Variants in SPTLC3 observed in about 807,000 individuals in gnomAD.
The protein encoded by SPTLC3 is serine palmitoyltransferase 3.
In SPTLC3, 36 loss-of-function variants were observed where a neutral mutation model predicts 59.3. The observed-to-expected ratio is 0.61, with a 90% CI of 0.47 to 0.80. SPTLC3 has a LOEUF of 0.80. Ranked by LOEUF, SPTLC3 falls within the 30% of genes least tolerant of loss-of-function variation. The pLI is 0.00. For synonymous variants in SPTLC3, 257 were observed against 240.8 expected, an observed-to-expected ratio of 1.07 and a Z score of -0.62; for missense variants, 625 against 685.1, an observed-to-expected ratio of 0.91 and a Z score of 0.98.
chr20:13,049,007 T>C lies in SPTLC3; in HGVS notation c.180T>C (p.Leu60=). The change falls in exon 2 of 12, where the codon CTT becomes CTC. Residue 60 remains leucine (L), a synonymous_variant. Transcript: ENST00000399002. ...LIVESFEEAP[L]HVMVFTYMGY... is the part of the protein sequence containing the mutation. Reference sequence around the variant, plus strand: ...TTGAATCGTTTGAGGAAGCACCCCTTCATGTTATGGTTTTCACTTACATGG... The same window carrying C: ...TTGAATCGTTTGAGGAAGCACCCCTCCATGTTATGGTTTTCACTTACATGG... The C allele has an allele frequency of 6.2e-7, 1 of 1,608,772 alleles. No homozygotes were observed. The highest frequency in any genetic ancestry group is 1.1e-5 in the South Asian group (1 of 89,786).
chr20:13,043,751 T>C (rs1459409742), intron 1 of SPTLC3, among the ~76,000 whole-genome samples: 1 of 152,202 alleles, frequency 6.6e-6, no homozygotes, highest in East Asian at 1.9e-4. Flanking sequence ...CCCCTCACTA[T>C]TAGTAACCGA....
chr20:13,146,903 C>A (rs567826648), intron 9 of SPTLC3, among the ~76,000 whole-genome samples: 3 of 152,202 alleles, frequency 2.0e-5, no homozygotes, highest in Non-Finnish European at 4.4e-5. Context: ...AGGTCAGCTG[C>A]GTAATGCCTT....
intron 10 of SPTLC3, among the ~76,000 whole-genome samples, chr20:13,158,974 T>A (rs192114584): frequency 6.6e-6 from 1 of 152,328 alleles, no homozygotes; most frequent in Admixed American, 6.5e-5. Flanking sequence ...TAAGAACAGA[T>A]CTGAGGCATT....
chr20:13,038,059 T>TATATATATATATATATATATATATATAA (rs1226858145), intron 1 of SPTLC3, among the ~76,000 whole-genome samples: 2 of 150,426 alleles, frequency 1.3e-5, no homozygotes, highest in African/African-American at 4.9e-5. Flanking sequence ...TATATATATA[T>TATATATATATATATATATATATATATAA]AATATATCTT....
intron 9 of SPTLC3, among the ~76,000 whole-genome samples, chr20:13,133,658 C>T (rs1215744055): frequency 6.6e-6 from 1 of 152,104 alleles, no homozygotes; most frequent in Non-Finnish European, 1.5e-5. Context: ...CGCTTGAGCC[C>T]AGGAGGCGGA....
intron 4 of SPTLC3, chr20:13,079,965 C>A: frequency 3.9e-6 from 1 of 259,508 alleles, no homozygotes; most frequent in Non-Finnish European, 8.1e-6. Flanking sequence ...TGTCCTAATA[C>A]CCCAGGGAAC....
intron 4 of SPTLC3, among the ~76,000 whole-genome samples, chr20:13,085,709 T>C (rs1988982417): frequency 6.6e-6 from 1 of 152,086 alleles, no homozygotes; most frequent in African/African-American, 2.4e-5. Flanking sequence ...GACTAAAGAG[T>C]ATGAGCCAGT....
intron 2 of SPTLC3, 191 bp downstream of exon 2, chr20:13,049,321 C>A: frequency 1.6e-6 from 1 of 612,618 alleles, no homozygotes; most frequent in Non-Finnish European, 2.9e-6. Flanking sequence ...ACAAACATCT[C>A]ATGGGCAACT....
At position 13,079,626 on chromosome 20, in the gene SPTLC3, G is replaced by A. The variant is rs1463748461; in HGVS notation, c.607+5129G>A. 1.3e-5 allele frequency: 4 copies of A among 303,434 alleles called. No homozygotes were observed. The East Asian group carries it at 4.3e-4, about 33-fold the overall frequency. The allele number at this position is 303,434 out of a possible 1,614,324, so 18.8% of individuals were successfully genotyped here. On this transcript the variant is annotated intron_variant, in intron 4 of 11. Coordinates refer to ENST00000399002, the MANE Select transcript of SPTLC3 (RefSeq NM_018327.4). ...TGCACTTGTGTGTGTTCCCAGGGAG[G>A]ACCCTGTTAGGAATGTCAGACTGTT...
At chr20:13,079,542 A>T (rs1988766816) in intron 4 of SPTLC3, among the ~76,000 whole-genome samples, 1 of 152,272 alleles carries the variant, frequency 6.6e-6, no homozygotes, top group Non-Finnish European at 1.5e-5. Flanking sequence ...TGAATAAATG[A>T]ATTGATGAAA....
intron 11 of SPTLC3, 39 bp from the exon 12 acceptor site, chr20:13,164,715 G>A: frequency 6.6e-7 from 1 of 1,504,782 alleles, no homozygotes; most frequent in Non-Finnish European, 9.2e-7. Flanking sequence ...GGCTACTTAG[G>A]TGTTCAATGA....
intron 10 of SPTLC3, among the ~76,000 whole-genome samples, chr20:13,155,765 G>T (rs1046694810): frequency 6.6e-6 from 1 of 152,120 alleles, no homozygotes; most frequent in Non-Finnish European, 1.5e-5. Flanking sequence ...GGTGGAGCTT[G>T]CAGTGAGCCG....
chr20:13,061,962 T>A (rs1448857977), intron 2 of SPTLC3, among the ~76,000 whole-genome samples: 2 of 152,004 alleles, frequency 1.3e-5, no homozygotes, highest in Non-Finnish European at 2.9e-5. Context: ...GAACGCAGCC[T>A]CTCTTATGTC....
chr20:13,080,188 T>C (rs1988789740), intron 4 of SPTLC3, among the ~76,000 whole-genome samples: 1 of 151,926 alleles, frequency 6.6e-6, no homozygotes, highest in African/African-American at 2.4e-5. Flanking sequence ...ATTTAAGAAA[T>C]AGGATACGTT....
At chr20:13,057,634 C>A (rs113123045) in intron 2 of SPTLC3, among the ~76,000 whole-genome samples, 23 of 152,262 alleles carry the variant, frequency 1.5e-4, no homozygotes, top group African/African-American at 5.5e-4. Context: ...AAAATCAAAA[C>A]CTCCTTCCAA....
At chr20:13,033,240 T>C (rs1414027091) in intron 1 of SPTLC3, among the ~76,000 whole-genome samples, 1 of 152,154 alleles carries the variant, frequency 6.6e-6, no homozygotes, top group African/African-American at 2.4e-5. Flanking sequence ...TGTATTAAGG[T>C]AATACTTGGT....
At chr20:13,151,718 T>C (rs1210903675) in intron 9 of SPTLC3, among the ~76,000 whole-genome samples, 2 of 152,178 alleles carry the variant, frequency 1.3e-5, no homozygotes, top group Admixed American at 1.3e-4. Context: ...AAAGGAAAAC[T>C]TAAAGGAATA....
rs557928779 is a variant in SPTLC3 at position 13,093,611 on chromosome 20, G to A, written c.826+34G>A. The A allele has an allele frequency of 3.8e-6, 6 of 1,583,952 alleles. No individual in the cohort carries two copies. The South Asian group carries it at 5.6e-5, about 15-fold the overall frequency. On this transcript the variant is annotated intron_variant, in intron 6 of 11. Coordinates refer to ENST00000399002, the MANE Select transcript of SPTLC3 (RefSeq NM_018327.4). ...CAGTGTATTTTCTCAACATGTACTG[G>A]ATTGCTCCTAGAAGAAAGTAAAGAT...
At position 13,049,017 on chromosome 20, in the gene SPTLC3, GT is replaced by G; in HGVS notation, c.194del (p.Phe65SerfsTer19). ...SFEEAPLHVM[V>X]FTYMGYGIGT... ...TGAGGAAGCACCCCTTCATGTTATGGTTTTCACTTACATGGGATATGGAATT... is the reference window on the plus strand; with the variant it reads ...TGAGGAAGCACCCCTTCATGTTATGGTTTCACTTACATGGGATATGGAATT... On this transcript the variant is annotated frameshift_variant, in exon 2 of 12. Coordinates refer to ENST00000399002, the MANE Select transcript of SPTLC3 (RefSeq NM_018327.4). LOFTEE classifies it high-confidence loss of function. 1.2e-6 allele frequency: 2 copies of G among 1,612,166 alleles called. No individual in the cohort carries two copies.
Sources: allele counts gnomAD v4.1 joint callset (sites outside exome capture counted in the v4.1 genomes callset), GRCh38; gene constraint gnomAD v4.1.1; transcripts MANE v1.5; gene names NCBI Gene and HGNC (gene_info 2026-07-23, HGNC 2026-07-21).